Variants in GRIK4 observed in about 807,000 individuals in gnomAD.
GRIK4 encodes the protein glutamate receptor ionotropic, kainate 4.
In GRIK4, 40 loss-of-function variants were observed where a neutral mutation model predicts 104.9. The observed-to-expected ratio is 0.38, with a 90% CI of 0.30 to 0.50. GRIK4 has a LOEUF of 0.50. Ranked by LOEUF, GRIK4 falls within the 20% of genes least tolerant of loss-of-function variation. The pLI is 0.93. For synonymous variants in GRIK4, 485 were observed against 524.9 expected (o/e 0.92, Z 1.04); for missense variants, 1,047 against 1,308.1 (o/e 0.80, Z 3.08).
chr11:120,715,731 A>G (rs1950819055), intron 3 of GRIK4, among the ~76,000 whole-genome samples: 1 of 152,142 alleles, frequency 6.6e-6, no homozygotes, highest in African/African-American at 2.4e-5. Context: ...TTCATTTCAC[A>G]CCAGGCCACG....
intron 1 of GRIK4, among the ~76,000 whole-genome samples, chr11:120,644,973 T>C (rs1009099950): frequency 2.0e-5 from 3 of 152,194 alleles, no homozygotes; most frequent in African/African-American, 4.8e-5. Flanking sequence ...GCTTCCTTCT[T>C]AGGTGCCTAA....
At chr11:120,702,300 T>C (rs1367264552) in intron 3 of GRIK4, among the ~76,000 whole-genome samples, 1 of 152,120 alleles carries the variant, frequency 6.6e-6, no homozygotes, top group Non-Finnish European at 1.5e-5. Flanking sequence ...AGTTGGCATT[T>C]GCTGCAGTAG....
At chr11:120,784,066 G>T (rs1175642919) in intron 3 of GRIK4, among the ~76,000 whole-genome samples, 1 of 152,198 alleles carries the variant, frequency 6.6e-6, no homozygotes, top group African/African-American at 2.4e-5. Flanking sequence ...TCCCCAGCAT[G>T]TAGAACAGTG....
chr11:120,971,116 T>G (rs184753391), intron 19 of GRIK4, among the ~76,000 whole-genome samples: 1 of 152,250 alleles, frequency 6.6e-6, no homozygotes, highest in Non-Finnish European at 1.5e-5. Flanking sequence ...GAACGAGCAA[T>G]TAAGGCACAA....
chr11:120,563,237 G>A (rs1282006169), intron 1 of GRIK4, among the ~76,000 whole-genome samples: 2 of 152,168 alleles, frequency 1.3e-5, no homozygotes, highest in African/African-American at 4.8e-5. Flanking sequence ...GGTAAGCACT[G>A]TGTTTGGGTG....
At position 120,987,481 on chromosome 11, in the gene GRIK4, GTATT is replaced by G. The variant is rs1404894918; in HGVS notation, c.*1226_*1229del. 2 of 152,218 alleles carry G rather than the reference GTATT, an allele frequency of 1.3e-5. No homozygotes were observed. Among genetic ancestry groups the G allele is most frequent in the African/African-American group, 4.8e-5 (2 of 41,436 alleles). 9.4% of individuals were successfully genotyped at this position (152,218 alleles called of 1,614,324 possible). ...TATGTGTGCGCGCGTGTGCGTGTGT[GTATT>G]TATTCAACAGAAAGACCTTAAGTAT... On this transcript the variant is annotated 3_prime_UTR_variant, in exon 21 of 21. Transcript: ENST00000527524.
chr11:120,566,779 C>T (rs560722997), intron 1 of GRIK4, among the ~76,000 whole-genome samples: 5 of 150,354 alleles, frequency 3.3e-5, no homozygotes, highest in Admixed American at 3.3e-4. Context: ...TCTTGGCTCA[C>T]TGCAAGCTCC....
intron 3 of GRIK4, among the ~76,000 whole-genome samples, chr11:120,736,789 C>T (rs1951231362): frequency 6.6e-6 from 1 of 150,636 alleles, no homozygotes; most frequent in South Asian, 2.1e-4. Flanking sequence ...TCTCCCCTCA[C>T]CCTGCCCACC....
intron 3 of GRIK4, among the ~76,000 whole-genome samples, chr11:120,774,710 C>T (rs1413345036): frequency 6.6e-6 from 1 of 152,160 alleles, no homozygotes; most frequent in East Asian, 1.9e-4. Context: ...AGTCTGCATT[C>T]TCTCTGTGAA....
At chr11:120,749,911 T>C (rs981381280) in intron 3 of GRIK4, among the ~76,000 whole-genome samples, 1 of 152,132 alleles carries the variant, frequency 6.6e-6, no homozygotes, top group Non-Finnish European at 1.5e-5. Context: ...GGGTCCTGAG[T>C]TTAGGGTTGT....
chr11:120,694,064 G>A (rs564201889), intron 3 of GRIK4, among the ~76,000 whole-genome samples: 7 of 152,190 alleles, frequency 4.6e-5, no homozygotes, highest in African/African-American at 1.4e-4. Context: ...TCAGCAGGGG[G>A]CAGATGGTGA....
chr11:120,613,359 A>G (rs947005536), intron 1 of GRIK4, among the ~76,000 whole-genome samples: 4 of 152,158 alleles, frequency 2.6e-5, no homozygotes, highest in African/African-American at 9.7e-5. Context: ...TGTGCTTTCT[A>G]TACCCTTCAG....
At chr11:120,855,323 C>T (rs1262250635) in intron 8 of GRIK4, among the ~76,000 whole-genome samples, 1 of 152,200 alleles carries the variant, frequency 6.6e-6, no homozygotes, top group Admixed American at 6.5e-5. Context: ...CTTGCTGTGA[C>T]TCCTTTTCTG....
intron 11 of GRIK4, among the ~76,000 whole-genome samples, chr11:120,891,102 C>T (rs574440532): frequency 1.3e-5 from 2 of 152,358 alleles, no homozygotes; most frequent in South Asian, 2.1e-4. Flanking sequence ...TGATTCTAGG[C>T]AGGAGTGAGA....
Position 120,956,086 on chromosome 11 carries a change from G to A in GRIK4, c.1701-694G>A, listed in dbSNP as rs1051993852. Among the ~76,000 whole-genome samples, 21 of 152,258 alleles carry A rather than the reference G, an allele frequency of 1.4e-4. No individual in the cohort carries two copies. Among genetic ancestry groups the A allele is most frequent in the African/African-American group, 3.9e-4 (16 of 41,556 alleles). On this transcript the variant is annotated intron_variant, in intron 15 of 20. Transcript: ENST00000527524. The surrounding 1 kb of genome is among the most constrained non-coding windows in gnomAD (Gnocchi z 4.6). ...GCTCTAGGCTGAGGGTCTTCAAACC[G>A]TGGTTCTAAGGGACACTAATATCTC...
At chr11:120,703,756 C>T (rs774751432) in intron 3 of GRIK4, among the ~76,000 whole-genome samples, 4 of 151,998 alleles carry the variant, frequency 2.6e-5, no homozygotes, top group Admixed American at 6.6e-5. Flanking sequence ...CTATTATTAC[C>T]ATTACTATTT....
At chr11:120,520,329 G>A (rs1194680449) in intron 1 of GRIK4, among the ~76,000 whole-genome samples, 2 of 152,176 alleles carry the variant, frequency 1.3e-5, no homozygotes, top group African/African-American at 2.4e-5. Flanking sequence ...GAGTGGTGGC[G>A]CCTCTATGCG....
At chr11:120,877,304 C>T (rs1954847674) in intron 11 of GRIK4, among the ~76,000 whole-genome samples, 1 of 152,118 alleles carries the variant, frequency 6.6e-6, no homozygotes, top group Non-Finnish European at 1.5e-5. Context: ...TATCAGGTAC[C>T]ATGCTGGGCC....
chr11:120,967,296 C>T lies in GRIK4; in HGVS notation c.2368C>T (p.Pro790Ser), dbSNP rs1335757866. 1.2e-6 allele frequency: 2 copies of T among 1,613,740 alleles called. No individual in the cohort carries two copies. The highest frequency in any genetic ancestry group is 1.1e-5 in the South Asian group (1 of 91,022). Residue 790 changes from proline (P) to serine (S), a missense_variant, in exon 19 of 21, where the codon CCC (proline) becomes TCC (serine). Pro to Ser is a moderately conservative substitution (Grantham distance 74, BLOSUM62 -1). This residue lies in a region of GRIK4 where 440 missense variants were observed against 652.3 expected (regional missense o/e 0.67). Transcript: ENST00000527524. The surrounding 1 kb of genome is among the most constrained non-coding windows in gnomAD (Gnocchi z 4.2). ...KRKWWEGGKC[P>S]KEEDHRAKGL... The stretch of plus-strand genomic sequence containing the variant: ...CAAATGGTGGGAAGGAGGGAAGTGC[C>T]CCAAGGAGGAAGATCACAGAGCTAA...
Sources: allele counts gnomAD v4.1 joint callset (sites outside exome capture counted in the v4.1 genomes callset), GRCh38; gene constraint gnomAD v4.1.1; regional missense constraint gnomAD v4.1.1; non-coding constraint Gnocchi (gnomAD v3.1); transcripts MANE v1.5; gene names NCBI Gene and HGNC (gene_info 2026-07-23, HGNC 2026-07-21).